The following RIMS2 variants were observed in gnomAD, a reference collection of about 807,000 sequenced individuals.
The protein encoded by RIMS2 is regulating synaptic membrane exocytosis 2, also known as regulating synaptic membrane exocytosis protein 2.
Under a neutral mutation model 174.4 loss-of-function variants are expected in RIMS2, and 59 were observed. The observed-to-expected ratio is 0.34, with a 90% CI of 0.27 to 0.42. RIMS2 has a LOEUF of 0.42. RIMS2 is among the 10% of genes least tolerant of loss of function. RIMS2 has a pLI of 1.00. For missense variants in RIMS2, 1,620 were observed against 1,666.3 expected (o/e 0.97, Z 0.48); for synonymous variants, 606 against 572.5 (o/e 1.06, Z -0.84).
chr8:104,112,511 C>G (rs982212462), intron 19 of RIMS2, among the ~76,000 whole-genome samples: 1 of 151,850 alleles, frequency 6.6e-6, no homozygotes, highest in East Asian at 1.9e-4. Context: ...GGATGTTAAC[C>G]GTAAACTTGA....
chr8:103,566,322 A>T (rs2132158531), intron 1 of RIMS2, among the ~76,000 whole-genome samples: 1 of 152,126 alleles, frequency 6.6e-6, no homozygotes, highest in South Asian at 2.1e-4. Context: ...TTCTTCTGTG[A>T]CCACCCCATA....
intron 19 of RIMS2, among the ~76,000 whole-genome samples, chr8:104,062,297 G>A (rs562579178): frequency 1.3e-5 from 2 of 152,116 alleles, no homozygotes; most frequent in African/African-American, 2.4e-5. Context: ...CCAGCTACTC[G>A]GTAGGCTGAG....
At chr8:103,852,744 T>C (rs1281411822) in intron 3 of RIMS2, among the ~76,000 whole-genome samples, 4 of 152,226 alleles carry the variant, frequency 2.6e-5, no homozygotes, top group African/African-American at 9.6e-5. Flanking sequence ...ATTTACTTCT[T>C]TTTTATGGCT....
intron 3 of RIMS2, among the ~76,000 whole-genome samples, chr8:103,799,508 G>C (rs1226586269): frequency 6.6e-6 from 1 of 152,102 alleles, no homozygotes; most frequent in Non-Finnish European, 1.5e-5. Context: ...ATGTGGCATA[G>C]GGTATGTATA....
intron 1 of RIMS2, among the ~76,000 whole-genome samples, chr8:103,632,107 G>C (rs984694072): frequency 1.3e-5 from 2 of 152,112 alleles, no homozygotes; most frequent in Admixed American, 6.5e-5. Context: ...CTATTTATAT[G>C]CATTTTATTT....
chr8:103,732,911 A>C (rs2097625532), intron 2 of RIMS2, among the ~76,000 whole-genome samples: 1 of 152,136 alleles, frequency 6.6e-6, no homozygotes, highest in Admixed American at 6.5e-5. Context: ...CCATGAGCTC[A>C]CTTGGTGCTC....
intron 19 of RIMS2, among the ~76,000 whole-genome samples, chr8:104,168,062 A>G (rs955238516): frequency 3.3e-5 from 5 of 152,152 alleles, no homozygotes; most frequent in Admixed American, 2.0e-4. Flanking sequence ...TGTTTTGGTA[A>G]CTATAGCCTT....
At chr8:103,681,567 C>G (rs567102843) in intron 1 of RIMS2, among the ~76,000 whole-genome samples, 2 of 151,926 alleles carry the variant, frequency 1.3e-5, no homozygotes, top group Admixed American at 6.6e-5. Context: ...TCCATTCATT[C>G]ATTCTAGACA....
rs142879008 is a variant in RIMS2, at chr8:103,613,753, G to A, written c.177-83333G>A. Among the ~76,000 whole-genome samples, 97 of 152,244 alleles carry A rather than the reference G, an allele frequency of 6.4e-4. No homozygotes were observed. In the Middle Eastern group the frequency reaches 0.024, roughly 37 times the overall value. ...CCAAGGGCTCCTTAAGAGTCAGCAC[G>A]TGATTAATCCTGCCAAAGCTAGTAC... On this transcript the variant is annotated intron_variant, in intron 1 of 23. Coordinates refer to ENST00000504942, the Ensembl canonical transcript of RIMS2.
At chr8:104,127,805 A>G (rs2132713426) in intron 19 of RIMS2, among the ~76,000 whole-genome samples, 1 of 152,310 alleles carries the variant, frequency 6.6e-6, no homozygotes, top group African/African-American at 2.4e-5. Context: ...GTGAAATGCC[A>G]GTACTTACAA....
chr8:104,029,596 A>G (rs1293893620), intron 19 of RIMS2, among the ~76,000 whole-genome samples: 1 of 152,186 alleles, frequency 6.6e-6, no homozygotes, highest in Non-Finnish European at 1.5e-5. Context: ...TTTTCAACAA[A>G]TATTTGCTAA....
At chr8:103,621,070 A>T (rs372729189) in intron 1 of RIMS2, among the ~76,000 whole-genome samples, 1 of 152,360 alleles carries the variant, frequency 6.6e-6, no homozygotes, top group South Asian at 2.1e-4. Context: ...ATTACACATG[A>T]TGTCCTAATA....
At chr8:103,701,822 T>C (rs570423761) in intron 2 of RIMS2, among the ~76,000 whole-genome samples, 3 of 152,242 alleles carry the variant, frequency 2.0e-5, no homozygotes, top group Admixed American at 6.5e-5. Context: ...CATTTTAGAA[T>C]CCTTTCATCT....
chr8:104,058,704 C>G (rs2096919805), intron 19 of RIMS2, among the ~76,000 whole-genome samples: 1 of 152,096 alleles, frequency 6.6e-6, no homozygotes, highest in Non-Finnish European at 1.5e-5. Context: ...GGTTTTAGGT[C>G]TAACATTTAA....
In RIMS2 at chr8:103,942,118, A is replaced by AT. The variant is rs573206932; in HGVS notation, c.2548-650dup. On this transcript the variant is annotated intron_variant, in intron 13 of 23. Transcript: ENST00000504942. ...GGTATTAAGCTTAATACCAATTAGT[A>AT]TTTTTCCTGATACTTTCCCTCCTCC... Among the ~76,000 whole-genome samples the AT allele has an allele frequency of 3.1e-4, 47 of 151,990 alleles. No homozygotes were observed. In the East Asian group the frequency reaches 4.4e-3, roughly 14 times the overall value.
At chr8:103,585,366 G>A (rs1389448247) in intron 1 of RIMS2, among the ~76,000 whole-genome samples, 1 of 151,988 alleles carries the variant, frequency 6.6e-6, no homozygotes, top group Non-Finnish European at 1.5e-5. Context: ...GTTTGACCCA[G>A]CAATCCCATT....
At chr8:104,246,236 G>A (rs2099329562) in intron 20 of RIMS2, among the ~76,000 whole-genome samples, 1 of 152,352 alleles carries the variant, frequency 6.6e-6, no homozygotes, top group Admixed American at 6.5e-5. Context: ...GGGGATGTAA[G>A]TCATAGGAGG....
intron 16 of RIMS2, among the ~76,000 whole-genome samples, chr8:103,984,324 AGAAT>A (rs1293877059): frequency 1.3e-5 from 2 of 152,246 alleles, no homozygotes; most frequent in Non-Finnish European, 2.9e-5. Context: ...ATTAATAGCC[AGAAT>A]GTATTAGGAA....
chr8:104,058,532 G>T (rs1597936221), intron 19 of RIMS2, among the ~76,000 whole-genome samples: 2 of 149,784 alleles, frequency 1.3e-5, no homozygotes, highest in Admixed American at 1.3e-4. Flanking sequence ...TGTTCACTCT[G>T]ATGGTAGTTT....
Sources: gnomAD v4.1 joint callset for allele counts (sites outside exome capture counted in the v4.1 genomes callset) on GRCh38, gnomAD v4.1.1 for gene constraint, MANE v1.5 for transcripts, NCBI Gene and HGNC (gene_info 2026-07-23, HGNC 2026-07-21) for gene names.